FBXO15: variants seen among roughly 807,000 people sequenced by gnomAD.
The protein encoded by FBXO15 is F-box only protein 15.
In FBXO15, 30 loss-of-function variants were observed where a neutral mutation model predicts 49.5. That is an observed-to-expected ratio of 0.61 (90% confidence interval 0.45 to 0.82). FBXO15 has a LOEUF of 0.82. Among genes scored for constraint, FBXO15 ranks in the 40% least tolerant of loss-of-function variants. The pLI, the probability that FBXO15 is intolerant of heterozygous loss-of-function variation, is 0.00. For synonymous variants in FBXO15, 250 were observed against 232.7 expected (o/e 1.07, Z -0.68); for missense variants, 591 against 631.5 (o/e 0.94, Z 0.69).
chr18:74,109,487 C>T (rs1245684745), intron 8 of FBXO15, among the ~76,000 whole-genome samples: 1 of 152,034 alleles, frequency 6.6e-6, no homozygotes, highest in Non-Finnish European at 1.5e-5. Flanking sequence ...GGGTATATAC[C>T]CAAAGGATTA....
intron 8 of FBXO15, among the ~76,000 whole-genome samples, chr18:74,119,696 C>T (rs1270754227): frequency 6.6e-6 from 1 of 152,052 alleles, no homozygotes; most frequent in African/African-American, 2.4e-5. Context: ...AAGCCTGATA[C>T]AGTCAAGGAA....
rs529627235 is a variant in FBXO15 at position 74,081,961 on chromosome 18, G to A, written c.1229C>T (p.Ser410Leu). 44 of 1,612,886 alleles carry A rather than the reference G, an allele frequency of 2.7e-5. No individual in the cohort carries two copies. The highest frequency in any genetic ancestry group is 3.3e-5 in the Non-Finnish European group (39 of 1,179,330). The change falls in exon 9 of 10, where the codon TCG becomes TTG. Residue 410 changes from serine to leucine, a missense_variant. Coordinates refer to ENST00000419743, the MANE Select transcript of FBXO15 (RefSeq NM_001142958.2). ...GCCATCAAAAATATCAGTTTTCCAC[G>A]AGAGGCCAACTTTTCCAATAAGAGG... is the stretch of plus-strand genomic sequence containing the variant. ...HLPLIGKVGL[S>L]WKTDIFDGCI...
intron 3 of FBXO15, among the ~76,000 whole-genome samples, chr18:74,133,564 T>C (rs1366891473): frequency 6.6e-6 from 1 of 152,218 alleles, no homozygotes; most frequent in African/African-American, 2.4e-5. Flanking sequence ...CACCTTCATC[T>C]CTTATTAGAT....
At chr18:74,141,615 T>C (rs1315208945) in intron 1 of FBXO15, among the ~76,000 whole-genome samples, 2 of 151,986 alleles carry the variant, frequency 1.3e-5, no homozygotes, top group East Asian at 1.9e-4. Context: ...CTTAAGAACT[T>C]GGAAGAAAAA....
chr18:74,090,845 A>T (rs562320945), intron 8 of FBXO15, among the ~76,000 whole-genome samples: 1 of 152,322 alleles, frequency 6.6e-6, no homozygotes, highest in East Asian at 1.9e-4. Context: ...ATTTTGGAGT[A>T]TATGCCATGC....
Position 74,075,589 on chromosome 18 carries a change from C to A in FBXO15, c.1264-1859G>T, listed in dbSNP as rs755672385. The stretch of plus-strand genomic sequence containing the variant: ...TCTCCGCTGGATTTGTCCATTAATA[C>A]CCATTCACTCATCAAACCACTCTGG... On this transcript the variant is annotated intron_variant, in intron 9 of 9. Transcript: ENST00000419743. This position sits in a 1 kb window ranked among gnomAD's most constrained non-coding sequence, Gnocchi z 4.1. 1.3e-5 allele frequency among the ~76,000 whole-genome samples: 2 copies of A among 152,210 alleles called. No homozygotes were observed. Among genetic ancestry groups the A allele is most frequent in the Non-Finnish European group, 2.9e-5 (2 of 68,040 alleles).
At chr18:74,138,903 C>T (rs563422301) in intron 2 of FBXO15, among the ~76,000 whole-genome samples, 32 of 152,244 alleles carry the variant, frequency 2.1e-4, no homozygotes, top group Admixed American at 2.0e-3. Flanking sequence ...TGTGTCTCTC[C>T]GTCTTCCCTA....
chr18:74,123,399 A>G lies in FBXO15; in HGVS notation c.1107T>C (p.Cys369=). The stretch of plus-strand genomic sequence containing the variant: ...TGGTGAAGAGATTGCGAAATGTACC[A>G]CATAGGTAGAAAACCCCACCGCTGT... ...DLHSGGVFYL[C]GTFRNLFTKR... is the part of the protein sequence containing the mutation. The change falls in exon 8 of 10, where the codon TGT becomes TGC. Residue 369 remains cysteine, a synonymous_variant. Transcript: ENST00000419743. The G allele has an allele frequency of 6.2e-7, 1 of 1,613,760 alleles. No individual in the cohort carries two copies. Among genetic ancestry groups the G allele is most frequent in the Non-Finnish European group, 8.5e-7 (1 of 1,179,898 alleles).
At chr18:74,080,523 C>T (rs1312024868) in intron 9 of FBXO15, among the ~76,000 whole-genome samples, 2 of 152,216 alleles carry the variant, frequency 1.3e-5, no homozygotes, top group Non-Finnish European at 1.5e-5. Flanking sequence ...TTTTTCTAAA[C>T]ACCTGTGCAC....
At chr18:74,085,426 C>G (rs1912695484) in intron 8 of FBXO15, among the ~76,000 whole-genome samples, 1 of 152,026 alleles carries the variant, frequency 6.6e-6, no homozygotes, top group Non-Finnish European at 1.5e-5. Context: ...AAACACCATC[C>G]TACTAAAAAT....
At chr18:74,110,343 G>A (rs1913966903) in intron 8 of FBXO15, among the ~76,000 whole-genome samples, 1 of 151,616 alleles carries the variant, frequency 6.6e-6, no homozygotes, top group Admixed American at 6.6e-5. Flanking sequence ...AGTGAAACTG[G>A]ATTTGTGGTA....
At chr18:74,121,034 C>T (rs547940149) in intron 8 of FBXO15, among the ~76,000 whole-genome samples, 49 of 152,128 alleles carry the variant, frequency 3.2e-4, no homozygotes, top group Non-Finnish European at 5.6e-4. Flanking sequence ...GGGACTATTA[C>T]GAAGAACTTT....
chr18:74,073,811 TC>T (rs1247098595), intron 9 of FBXO15, 81 bp from the exon 10 acceptor site: 4 of 1,500,344 alleles, frequency 2.7e-6, no homozygotes, highest in Non-Finnish European at 3.6e-6. Flanking sequence ...TCTGTAAAAC[TC>T]ACTAGAAATG....
chr18:74,145,662 A>C (rs1979365146), intron 1 of FBXO15, among the ~76,000 whole-genome samples: 1 of 127,976 alleles, frequency 7.8e-6, no homozygotes, highest in South Asian at 2.3e-4. Context: ...CAGTGGCGCT[A>C]TCTCGGCTCA....
Position 74,113,907 on chromosome 18 carries a change from C to T in FBXO15, c.1138+9461G>A, listed in dbSNP as rs186195704. 5.9e-4 allele frequency among the ~76,000 whole-genome samples: 90 copies of T among 152,312 alleles called. 1 individual carries two copies. The highest frequency in any genetic ancestry group is 2.1e-3 in the African/African-American group (88 of 41,544). Reference sequence around the variant, plus strand: ...TGTCTTCTCTTTCACAGGGTGGCACCATCACCTCATCAAAGTGCTCATGGA... The same window carrying T: ...TGTCTTCTCTTTCACAGGGTGGCACTATCACCTCATCAAAGTGCTCATGGA... On this transcript the variant is annotated intron_variant, in intron 8 of 9. Transcript: ENST00000419743.
At chr18:74,095,407 C>T (rs1913232288) in intron 8 of FBXO15, among the ~76,000 whole-genome samples, 1 of 152,168 alleles carries the variant, frequency 6.6e-6, no homozygotes, top group Non-Finnish European at 1.5e-5. Flanking sequence ...CACTTGAATG[C>T]TTAGAGGCCA....
chr18:74,094,847 T>C (rs566443935), intron 8 of FBXO15, among the ~76,000 whole-genome samples: 1 of 152,348 alleles, frequency 6.6e-6, no homozygotes, highest in Admixed American at 6.5e-5. Flanking sequence ...CGATAGTGGC[T>C]CCTTCCCATG....
chr18:74,123,148 T>C (rs182193561), intron 8 of FBXO15: 36 of 448,100 alleles, frequency 8.0e-5, no homozygotes, highest in Admixed American at 5.4e-4. Context: ...GAAGGTGGCA[T>C]TGAGAGTGAT....
At chr18:74,087,697 T>C (rs149012591) in intron 8 of FBXO15, among the ~76,000 whole-genome samples, 100 of 152,356 alleles carry the variant, frequency 6.6e-4, no homozygotes, top group African/African-American at 2.3e-3. Context: ...GTCTTCATGG[T>C]AGAATAACTT....
Sources: allele counts gnomAD v4.1 joint callset (sites outside exome capture counted in the v4.1 genomes callset), GRCh38; gene constraint gnomAD v4.1.1; non-coding constraint Gnocchi (gnomAD v3.1); transcripts MANE v1.5; gene names NCBI Gene and HGNC (gene_info 2026-07-23, HGNC 2026-07-21).